Variants in CNTNAP2 observed in about 807,000 individuals in gnomAD.
CNTNAP2 encodes the protein contactin-associated protein-like 2.
Under a neutral mutation model 155.2 loss-of-function variants are expected in CNTNAP2, and 98 were observed. The observed-to-expected ratio is 0.63, with a 90% CI of 0.54 to 0.75. The LOEUF is 0.75. Among genes scored for constraint, CNTNAP2 ranks in the 30% least tolerant of loss-of-function variants. The pLI is 0.00. For synonymous variants in CNTNAP2, 651 were observed against 631.2 expected, an observed-to-expected ratio of 1.03 and a Z score of -0.47; for missense variants, 1,727 against 1,688.1, an observed-to-expected ratio of 1.02 and a Z score of -0.40.
chr7:146,338,652 A>G (rs1253037018), intron 1 of CNTNAP2, among the ~76,000 whole-genome samples: 1 of 152,082 alleles, frequency 6.6e-6, no homozygotes, highest in Admixed American at 6.6e-5. Flanking sequence ...GCTGGTGTTT[A>G]CCTACGAAGC....
intron 1 of CNTNAP2, among the ~76,000 whole-genome samples, chr7:146,622,471 A>G (rs1172095300): frequency 1.3e-5 from 2 of 152,048 alleles, no homozygotes; most frequent in East Asian, 1.9e-4. Context: ...AGCCATGTAT[A>G]TATGCATATC....
intron 1 of CNTNAP2, among the ~76,000 whole-genome samples, chr7:146,747,940 C>T (rs548733432): frequency 3.9e-5 from 6 of 151,916 alleles, no homozygotes; most frequent in South Asian, 2.1e-4. Flanking sequence ...AAATTATTCA[C>T]GGGATGAAAC....
chr7:147,790,406 T>A (rs1246665380), intron 13 of CNTNAP2, among the ~76,000 whole-genome samples: 2 of 152,228 alleles, frequency 1.3e-5, no homozygotes, highest in Non-Finnish European at 2.9e-5. Flanking sequence ...AGTAAGTATT[T>A]GTCGAATGAA....
At chr7:146,824,972 A>C (rs111827925) in intron 2 of CNTNAP2, among the ~76,000 whole-genome samples, 2 of 152,012 alleles carry the variant, frequency 1.3e-5, no homozygotes, top group Non-Finnish European at 2.9e-5. Flanking sequence ...AGCCTATTAA[A>C]GAAATTCTTT....
chr7:147,321,489 T>TCTTATGTTTTC (rs1795349699), intron 9 of CNTNAP2, among the ~76,000 whole-genome samples: 1 of 152,192 alleles, frequency 6.6e-6, no homozygotes, highest in Non-Finnish European at 1.5e-5. Flanking sequence ...GGATTTTCCA[T>TCTTATGTTTTC]CATTTTAGAC....
intron 1 of CNTNAP2, among the ~76,000 whole-genome samples, chr7:146,333,957 A>G (rs1193532576): frequency 6.6e-6 from 1 of 152,196 alleles, no homozygotes; most frequent in East Asian, 1.9e-4. Flanking sequence ...CCTATCTGCC[A>G]AGGTTCCAGA....
chr7:146,650,843 GT>G (rs879471866), intron 1 of CNTNAP2, among the ~76,000 whole-genome samples: 4 of 152,062 alleles, frequency 2.6e-5, no homozygotes, highest in Admixed American at 2.0e-4. Context: ...TAGGAGATAA[GT>G]TACTCTGAAG....
chr7:146,149,895 A>G (rs1251716419), intron 1 of CNTNAP2, among the ~76,000 whole-genome samples: 1 of 151,388 alleles, frequency 6.6e-6, no homozygotes, highest in East Asian at 1.9e-4. Flanking sequence ...AAAAAAAAAA[A>G]AAAGACCAGT....
intron 1 of CNTNAP2, among the ~76,000 whole-genome samples, chr7:146,544,842 A>T (rs1266834122): frequency 6.6e-6 from 1 of 151,932 alleles, no homozygotes; most frequent in Non-Finnish European, 1.5e-5. Flanking sequence ...AAGTCACTAG[A>T]TAGTGTTGAC....
chr7:146,179,924 T>A (rs1056364776), intron 1 of CNTNAP2, among the ~76,000 whole-genome samples: 2 of 152,170 alleles, frequency 1.3e-5, no homozygotes, highest in African/African-American at 4.8e-5. Context: ...TTAAACAATA[T>A]GAAATGATTT....
intron 3 of CNTNAP2, among the ~76,000 whole-genome samples, chr7:146,908,004 G>C (rs1432938181): frequency 6.6e-6 from 1 of 152,096 alleles, no homozygotes; most frequent in Non-Finnish European, 1.5e-5. Context: ...TGCAATCCTA[G>C]TCTCTGATAA....
intron 1 of CNTNAP2, among the ~76,000 whole-genome samples, chr7:146,474,679 T>TA (rs956961063): frequency 9.2e-5 from 14 of 152,134 alleles, no homozygotes; most frequent in South Asian, 4.1e-4. Flanking sequence ...AACACATCTT[T>TA]AAAAAAAACT....
intron 20 of CNTNAP2, among the ~76,000 whole-genome samples, chr7:148,256,799 G>A (rs1195457998): frequency 2.0e-5 from 3 of 152,154 alleles, no homozygotes; most frequent in African/African-American, 4.8e-5. Flanking sequence ...CCCAGGCGTA[G>A]GCTTAGGTAA....
chr7:146,590,773 C>T (rs1325581215), intron 1 of CNTNAP2, among the ~76,000 whole-genome samples: 1 of 152,154 alleles, frequency 6.6e-6, no homozygotes, highest in Non-Finnish European at 1.5e-5. Context: ...CAATCACGCC[C>T]ACAAATGGTA....
chr7:147,370,966 T>C (rs142893505), intron 9 of CNTNAP2, among the ~76,000 whole-genome samples: 2 of 152,294 alleles, frequency 1.3e-5, no homozygotes, highest in Admixed American at 1.3e-4. Flanking sequence ...ATACTATTTA[T>C]ATGTTTTTGT....
chr7:147,917,077 A>G (rs1490927447), intron 14 of CNTNAP2, among the ~76,000 whole-genome samples: 1 of 152,248 alleles, frequency 6.6e-6, no homozygotes, highest in Non-Finnish European at 1.5e-5. Flanking sequence ...TGGTATTGCA[A>G]CAATCTTCCA....
intron 1 of CNTNAP2, among the ~76,000 whole-genome samples, chr7:146,449,127 A>AG (rs2129121854): frequency 6.6e-6 from 1 of 152,122 alleles, no homozygotes; most frequent in Admixed American, 6.5e-5. Context: ...GATCCTATTG[A>AG]GTTTTTTATT....
intron 13 of CNTNAP2, among the ~76,000 whole-genome samples, chr7:147,865,241 A>G (rs13231282): frequency 0.58 from 88,750 of 151,958 alleles, 26,181 homozygotes; most frequent in South Asian, 0.69. Flanking sequence ...ATTGATTTGC[A>G]TATGTTGAAC....
chr7:147,684,409 T>G (rs539016079), intron 13 of CNTNAP2, among the ~76,000 whole-genome samples: 1 of 151,932 alleles, frequency 6.6e-6, no homozygotes, highest in South Asian at 2.1e-4. Flanking sequence ...TTCAAAAAAA[T>G]AATTATTTTC....
Sources: gnomAD v4.1 joint callset for allele counts (sites outside exome capture counted in the v4.1 genomes callset) on GRCh38, gnomAD v4.1.1 for gene constraint, MANE v1.5 for transcripts, NCBI Gene and HGNC (gene_info 2026-07-23, HGNC 2026-07-21) for gene names.